Variants in THEM4 observed in about 807,000 individuals in gnomAD.
THEM4 encodes thioesterase superfamily member 4.
Under a neutral mutation model 25.0 loss-of-function variants are expected in THEM4, and 22 were observed. That is an observed-to-expected ratio of 0.88 (90% CI 0.63 to 1.26). THEM4 has a LOEUF of 1.26. THEM4 is among the 50% of genes most tolerant of loss of function. The probability of loss-of-function intolerance (pLI) is 0.00; values close to 1 mark genes in which losing one functional copy is unlikely to be tolerated. For missense variants in THEM4, 286 were observed against 300.3 expected, an observed-to-expected ratio of 0.95 and a Z score of 0.35; for synonymous variants, 113 against 105.6, an observed-to-expected ratio of 1.07 and a Z score of -0.43.
rs370800500 is a variant in THEM4, at chr1:151,899,266, G to A, written c.100-4072C>T. On this transcript the variant is annotated intron_variant, in intron 1 of 5. Coordinates refer to ENST00000368814, the MANE Select transcript of THEM4 (RefSeq NM_053055.5). ...CCAGCACTTTGCGAGGCCAAGGTGG[G>A]CAGATCACAAGGTCAAGAGATTGAG... Among the ~76,000 whole-genome samples the A allele has an allele frequency of 1.9e-4, 29 of 152,308 alleles. No individual in the cohort carries two copies. In the East Asian group the frequency reaches 3.5e-3, roughly 18 times the overall value.
chr1:151,870,906 T>G lies in THEM4; in HGVS notation c.*3982A>C, dbSNP rs1400957314. On this transcript the variant is annotated 3_prime_UTR_variant, in exon 6 of 6. Coordinates refer to ENST00000368814, the MANE Select transcript of THEM4 (RefSeq NM_053055.5). ...CTCATTTTATTGTTTCTTAGACATTTAGAAACCTGGGAGTAAGAGCAAAAA... is the reference window on the plus strand; with the variant it reads ...CTCATTTTATTGTTTCTTAGACATTGAGAAACCTGGGAGTAAGAGCAAAAA... Among the ~76,000 whole-genome samples the G allele has an allele frequency of 6.6e-6, 1 of 152,244 alleles. No individual in the cohort carries two copies. Among genetic ancestry groups the G allele is most frequent in the Non-Finnish European group, 1.5e-5 (1 of 68,040 alleles).
Position 151,894,618 on chromosome 1 carries a change from T to C in THEM4, c.286+390A>G, listed in dbSNP as rs1654177897. Among the ~76,000 whole-genome samples the C allele has an allele frequency of 2.6e-5, 4 of 152,292 alleles. No homozygotes were observed. The South Asian group carries it at 8.3e-4, about 32-fold the overall frequency. On this transcript the variant is annotated intron_variant, in intron 2 of 5. Coordinates refer to ENST00000368814, the MANE Select transcript of THEM4 (RefSeq NM_053055.5). ...TGGGTTGCCCTGGGGATTTAGATAC[T>C]GGGAGATGTGGGTATAACCTGAGTG...
intron 1 of THEM4, among the ~76,000 whole-genome samples, chr1:151,899,251 G>C (rs1205736564): frequency 6.6e-6 from 1 of 152,210 alleles, no homozygotes; most frequent in East Asian, 1.9e-4. Flanking sequence ...CCAGCACTTT[G>C]CGAGGCCAAG....
intron 1 of THEM4, among the ~76,000 whole-genome samples, chr1:151,907,326 G>C (rs1355408556): frequency 6.6e-6 from 1 of 152,150 alleles, no homozygotes; most frequent in Non-Finnish European, 1.5e-5. Context: ...CTCACCACGA[G>C]GGTCCGTGGC....
chr1:151,873,736 C>T lies in THEM4; in HGVS notation c.*1152G>A, dbSNP rs1473655916. 1 of 152,220 alleles carries T rather than the reference C, an allele frequency of 6.6e-6. No individual in the cohort carries two copies. Among genetic ancestry groups the T allele is most frequent in the African/African-American group, 2.4e-5 (1 of 41,444 alleles). 9.4% of individuals were successfully genotyped at this position (152,220 alleles called of 1,614,324 possible). On this transcript the variant is annotated 3_prime_UTR_variant, in exon 6 of 6. Coordinates refer to ENST00000368814, the MANE Select transcript of THEM4 (RefSeq NM_053055.5). ...GATAGATCTGCACAGAGGGAAGACA[C>T]TGTGGAGACACACAGAGGGAATGCC...
In THEM4 at chr1:151,873,288, C is replaced by T. The variant is rs558350722; in HGVS notation, c.*1600G>A. Among the ~76,000 whole-genome samples, 2 of 152,120 alleles carry T rather than the reference C, an allele frequency of 1.3e-5. No homozygotes were observed. Among genetic ancestry groups the T allele is most frequent in the African/African-American group, 4.8e-5 (2 of 41,422 alleles). On this transcript the variant is annotated 3_prime_UTR_variant, in exon 6 of 6. Transcript: ENST00000368814. ...TATCACCCTGTTCTCCTGCTGCATT[C>T]CCCTTGCCGAGATAGTGAAAACAGT...
At chr1:151,882,365 T>A (rs1009502426) in intron 4 of THEM4, among the ~76,000 whole-genome samples, 2 of 111,634 alleles carry the variant, frequency 1.8e-5, no homozygotes, top group Admixed American at 1.1e-4. Context: ...ACAGAGAGAC[T>A]CCATCTCAAA....
At chr1:151,897,590 C>G (rs1654252489) in intron 1 of THEM4, among the ~76,000 whole-genome samples, 1 of 152,272 alleles carries the variant, frequency 6.6e-6, no homozygotes, top group Middle Eastern at 3.4e-3. Context: ...TTGGATTGGG[C>G]AGAGTGATTC....
rs996635429 is a variant in THEM4 at position 151,873,037 on chromosome 1, C to T, written c.*1851G>A. ...GAACAGCATGTCTTGGTGTAAAACC[C>T]GATCCTATGTTCGTTCCATTCTGAG... On this transcript the variant is annotated 3_prime_UTR_variant, in exon 6 of 6. Coordinates refer to ENST00000368814, the MANE Select transcript of THEM4 (RefSeq NM_053055.5). 2.0e-5 allele frequency among the ~76,000 whole-genome samples: 3 copies of T among 152,240 alleles called. No homozygotes were observed. Among genetic ancestry groups the T allele is most frequent in the South Asian group, 2.1e-4 (1 of 4,820 alleles).
At chr1:151,883,912 T>C (rs1243356344) in intron 4 of THEM4, among the ~76,000 whole-genome samples, 1 of 151,870 alleles carries the variant, frequency 6.6e-6, no homozygotes, top group Non-Finnish European at 1.5e-5. Flanking sequence ...TCGTCTCTAC[T>C]AAAAATACAA....
In THEM4 at chr1:151,872,988, C is replaced by T. The variant is rs539029542; in HGVS notation, c.*1900G>A. On this transcript the variant is annotated 3_prime_UTR_variant, in exon 6 of 6. Coordinates refer to ENST00000368814, the MANE Select transcript of THEM4 (RefSeq NM_053055.5). ...CCTCTTGTGGTTGAGATGAGGAAGGCCTCTGTCTCCTGCATGCCCCTGGGA... is the reference window on the plus strand; with the variant it reads ...CCTCTTGTGGTTGAGATGAGGAAGGTCTCTGTCTCCTGCATGCCCCTGGGA... Among the ~76,000 whole-genome samples, 1 of 152,246 alleles carries T rather than the reference C, an allele frequency of 6.6e-6. No homozygotes were observed. The highest frequency in any genetic ancestry group is 6.5e-5 in the Admixed American group (1 of 15,288).
chr1:151,882,690 G>A (rs1289800575), intron 4 of THEM4, among the ~76,000 whole-genome samples: 12 of 152,182 alleles, frequency 7.9e-5, no homozygotes, highest in Non-Finnish European at 4.4e-5. Context: ...CACCGCACTA[G>A]AACAATGGAG....
At chr1:151,889,697 C>T (rs1654048281) in intron 2 of THEM4, 1 of 197,742 alleles carries the variant, frequency 5.1e-6, no homozygotes, top group African/African-American at 2.3e-5. Context: ...GGAAATCCTT[C>T]TTGGAAGAAC....
intron 2 of THEM4, chr1:151,890,553 T>A (rs1190836707): frequency 5.7e-6 from 1 of 176,096 alleles, no homozygotes; most frequent in Non-Finnish European, 1.2e-5. Context: ...CCAGGAGAAG[T>A]GGGGAGAGGG....
At chr1:151,889,110 A>G in intron 3 of THEM4, 104 bp downstream of exon 3, 1 of 810,224 alleles carries the variant, frequency 1.2e-6, no homozygotes. Flanking sequence ...ATATACATCT[A>G]TGTGACCATT....
rs757144408 is a variant in THEM4, at chr1:151,909,426, C to T, written c.33G>A (p.Thr11=). 7 of 1,471,334 alleles carry T rather than the reference C, an allele frequency of 4.8e-6. No homozygotes were observed. In the South Asian group the frequency reaches 9.1e-5, roughly 19 times the overall value. The allele number at this position is 1,471,334 out of a possible 1,614,324, so 91.1% of individuals were successfully genotyped here. A position where few individuals can be genotyped will look rare whatever the true frequency, so the allele number is the denominator to read the frequency against. ...CTGGCGGCAGGCACAGAGCCCCCAG[C>T]GTGCGGAGGCGCGCGGCGCAGCTCC... MLRSCAARLR[T]LGALCLPPVG... is the part of the protein sequence containing the mutation. Residue 11 remains threonine, a synonymous_variant, in exon 1 of 6, where the codon ACG becomes ACA. Transcript: ENST00000368814.
chr1:151,890,331 C>G (rs1267457423), intron 2 of THEM4: 3 of 326,322 alleles, frequency 9.2e-6, no homozygotes, highest in African/African-American at 2.1e-5. Context: ...GTTGGGGGAA[C>G]TGGATTGAAT....
At chr1:151,897,339 C>T (rs2101728048) in intron 1 of THEM4, among the ~76,000 whole-genome samples, 1 of 152,276 alleles carries the variant, frequency 6.6e-6, no homozygotes, top group East Asian at 1.9e-4. Context: ...GGGGCTGGCT[C>T]CAATGCTGGC....
At chr1:151,901,541 C>T (rs967302339) in intron 1 of THEM4, among the ~76,000 whole-genome samples, 2 of 152,132 alleles carry the variant, frequency 1.3e-5, no homozygotes, top group African/African-American at 4.8e-5. Context: ...CAAAAAGGAA[C>T]CTTCAAAACC....
Sources: gnomAD v4.1 joint callset for allele counts (sites outside exome capture counted in the v4.1 genomes callset) on GRCh38, gnomAD v4.1.1 for gene constraint, MANE v1.5 for transcripts, NCBI Gene and HGNC (gene_info 2026-07-23, HGNC 2026-07-21) for gene names.